Variants in GPRC5B observed in about 807,000 individuals in gnomAD.
The protein encoded by GPRC5B is G protein-coupled receptor family C group 5 member B.
In GPRC5B, 16 loss-of-function variants were observed where a neutral mutation model predicts 30.1. The ratio of observed to expected loss-of-function variants is 0.53; its 90% CI spans 0.36 to 0.81. The LOEUF (loss-of-function observed/expected upper bound fraction) is 0.81, where lower values mean the gene tolerates loss of function less well. Among genes scored for constraint, GPRC5B ranks in the 30% least tolerant of loss-of-function variants. GPRC5B has a pLI of 0.01. For synonymous variants in GPRC5B, 241 were observed against 239.5 expected (o/e 1.01, Z -0.06); for missense variants, 428 against 544.7 (o/e 0.79, Z 2.13).
intron 1 of GPRC5B, among the ~76,000 whole-genome samples, chr16:19,877,524 A>C (rs2141150699): frequency 6.6e-6 from 1 of 152,232 alleles, no homozygotes; most frequent in East Asian, 1.9e-4. Flanking sequence ...ACAGACTGAC[A>C]CTGAGGCAGC....
At chr16:19,874,467 C>T (rs2056746027) in intron 1 of GPRC5B, among the ~76,000 whole-genome samples, 1 of 152,202 alleles carries the variant, frequency 6.6e-6, no homozygotes, top group African/African-American at 2.4e-5. Context: ...TCCTGTCCTC[C>T]CATCCTCACT....
At chr16:19,875,351 G>A (rs1178936160) in intron 1 of GPRC5B, among the ~76,000 whole-genome samples, 1 of 152,240 alleles carries the variant, frequency 6.6e-6, no homozygotes, top group Non-Finnish European at 1.5e-5. Context: ...TGCCACGTCG[G>A]TCACTGACGT....
chr16:19,866,207 G>A (rs2056665700), intron 2 of GPRC5B, among the ~76,000 whole-genome samples: 2 of 152,174 alleles, frequency 1.3e-5, no homozygotes, highest in African/African-American at 4.8e-5. Flanking sequence ...GACTGTGCCC[G>A]GCCAAGCACT....
chr16:19,881,051 C>T (rs77745122), intron 1 of GPRC5B: 8,637 of 152,218 alleles, frequency 0.057, 517 homozygotes, highest in East Asian at 0.29. Flanking sequence ...GATTTCCGAG[C>T]CCTGTGCATA....
At chr16:19,879,744 CA>C (rs1344919446) in intron 1 of GPRC5B, among the ~76,000 whole-genome samples, 1 of 152,172 alleles carries the variant, frequency 6.6e-6, no homozygotes, top group African/African-American at 2.4e-5. Context: ...AAGGTGCTAA[CA>C]GTGTCCACCC....
chr16:19,880,291 G>A (rs1229527596), intron 1 of GPRC5B, among the ~76,000 whole-genome samples: 2 of 150,428 alleles, frequency 1.3e-5, no homozygotes, highest in East Asian at 2.0e-4. Flanking sequence ...GAGGTGGCTC[G>A]CCTAGGTATT....
intron 2 of GPRC5B, among the ~76,000 whole-genome samples, chr16:19,867,263 G>A (rs1007530575): frequency 8.5e-5 from 13 of 152,196 alleles, no homozygotes; most frequent in Non-Finnish European, 1.5e-4. Context: ...GAGCTATCCC[G>A]CCTGGGTTCA....
chr16:19,877,937 G>A (rs576193784), intron 1 of GPRC5B, among the ~76,000 whole-genome samples: 2 of 151,818 alleles, frequency 1.3e-5, no homozygotes, highest in Middle Eastern at 3.4e-3. Context: ...AGTGGCTCAC[G>A]CCTGTAATCC....
chr16:19,867,907 G>A (rs942099491), intron 2 of GPRC5B, among the ~76,000 whole-genome samples: 1 of 151,868 alleles, frequency 6.6e-6, no homozygotes, highest in Non-Finnish European at 1.5e-5. Context: ...AAAATTAGCC[G>A]GGTGTGATGG....
In GPRC5B at chr16:19,884,008, G is replaced by A. The variant is rs950873697; in HGVS notation, c.-2+719C>T. Among the ~76,000 whole-genome samples, 3 of 152,030 alleles carry A rather than the reference G, an allele frequency of 2.0e-5. 1 individual carries two copies. The highest frequency in any genetic ancestry group is 1.3e-4 in the Admixed American group (2 of 15,278). ...CCCAAGGAGAGGGGACCGAGAACAG[G>A]TCTAGTCCTTATCTCCAGCCTAGCC... is the stretch of plus-strand genomic sequence containing the variant. On this transcript the variant is annotated intron_variant, in intron 1 of 3. Coordinates refer to ENST00000300571, the MANE Select transcript of GPRC5B (RefSeq NM_016235.3).
chr16:19,885,607 C>T (rs17842819), upstream of GPRC5B: 489 of 1,029,286 alleles, frequency 4.8e-4, 14 homozygotes, highest in East Asian at 0.037. The surrounding 1 kb of genome is among the most constrained non-coding windows in gnomAD (Gnocchi z 5.3). Context: ...CCCACGTACG[C>T]ACATGTCCAC....
intron 2 of GPRC5B, among the ~76,000 whole-genome samples, chr16:19,865,078 GT>G (rs901392659): frequency 9.0e-5 from 13 of 145,076 alleles, no homozygotes; most frequent in South Asian, 4.5e-4. Context: ...CTTATTTTTA[GT>G]TTTTTTTTTT....
chr16:19,880,547 A>G (rs1335972939), intron 1 of GPRC5B, among the ~76,000 whole-genome samples: 2 of 152,304 alleles, frequency 1.3e-5, no homozygotes, highest in East Asian at 1.9e-4. Context: ...AACATCAACG[A>G]AAGAGGTCCC....
chr16:19,871,281 C>CAAAAA (rs71375667), intron 2 of GPRC5B, among the ~76,000 whole-genome samples: 15 of 70,338 alleles, frequency 2.1e-4, no homozygotes, highest in African/African-American at 4.8e-4. Context: ...GACCCTGTCT[C>CAAAAA]AAAAAAAAAA....
intron 1 of GPRC5B, among the ~76,000 whole-genome samples, chr16:19,879,004 G>A (rs767471427): frequency 1.9e-4 from 29 of 152,210 alleles, no homozygotes; most frequent in Non-Finnish European, 3.4e-4. Context: ...GTATAGCAGC[G>A]AGAGCCGGAA....
Position 19,858,607 on chromosome 16 carries a change from TTTC to T in GPRC5B, c.*1890_*1892del. 1 of 582,454 alleles carries T rather than the reference TTTC, an allele frequency of 1.7e-6. No individual in the cohort carries two copies. Among genetic ancestry groups the T allele is most frequent in the Non-Finnish European group, 3.1e-6 (1 of 320,646 alleles). 36.1% of individuals were successfully genotyped at this position (582,454 alleles called of 1,614,324 possible). On this transcript the variant is annotated 3_prime_UTR_variant, in exon 4 of 4. Coordinates refer to ENST00000300571, the MANE Select transcript of GPRC5B (RefSeq NM_016235.3). ...CGGACAGGACCGAGGTGTTTGAAGATTTCTTTCTTTTCAGAATACCGGGTCCGC... is the reference window on the plus strand; with the variant it reads ...CGGACAGGACCGAGGTGTTTGAAGATTTTCTTTTCAGAATACCGGGTCCGC...
At chr16:19,864,525 T>C (rs1392698098) in intron 2 of GPRC5B, among the ~76,000 whole-genome samples, 3 of 152,230 alleles carry the variant, frequency 2.0e-5, no homozygotes, top group Admixed American at 1.3e-4. Context: ...TGGAAGGATA[T>C]AGGGTGTGGA....
intron 2 of GPRC5B, among the ~76,000 whole-genome samples, chr16:19,869,276 C>T (rs964207018): frequency 6.9e-6 from 1 of 145,870 alleles, no homozygotes; most frequent in Non-Finnish European, 1.5e-5. Flanking sequence ...CTGCAGTGAG[C>T]TGAGATAGAG....
At chr16:19,870,781 A>G (rs1361435401) in intron 2 of GPRC5B, among the ~76,000 whole-genome samples, 1 of 152,178 alleles carries the variant, frequency 6.6e-6, no homozygotes, top group Non-Finnish European at 1.5e-5. Context: ...TGAACAGAAA[A>G]GTGGATTCCC....
Sources: allele counts gnomAD v4.1 joint callset (sites outside exome capture counted in the v4.1 genomes callset), GRCh38; gene constraint gnomAD v4.1.1; non-coding constraint Gnocchi (gnomAD v3.1); transcripts MANE v1.5; gene names NCBI Gene and HGNC (gene_info 2026-07-23, HGNC 2026-07-21).